B3GALT1: variants seen among roughly 807,000 people sequenced by gnomAD.
B3GALT1 encodes the protein UDP-Gal:betaGlcNAc beta 1,3-galactosyltransferase, polypeptide 1.
Under a neutral mutation model 23.2 loss-of-function variants are expected in B3GALT1, and 10 were observed. The observed-to-expected ratio is 0.43, with a 90% CI of 0.27 to 0.73. The LOEUF is 0.73. Among genes scored for constraint, B3GALT1 ranks in the 30% least tolerant of loss-of-function variants. The pLI is 0.21. For synonymous variants in B3GALT1, 156 were observed against 141.5 expected (o/e 1.10, Z -0.73); for missense variants, 299 against 405.4 (o/e 0.74, Z 2.25).
At chr2:167,849,749 G>A (rs947220116) in intron 4 of B3GALT1, among the ~76,000 whole-genome samples, 1 of 152,056 alleles carries the variant, frequency 6.6e-6, no homozygotes, top group Admixed American at 6.5e-5. Flanking sequence ...AATTAGCCAG[G>A]TGTGGTGGCA....
chr2:167,304,784 G>A (rs1482844518), intron 1 of B3GALT1, among the ~76,000 whole-genome samples: 1 of 152,120 alleles, frequency 6.6e-6, no homozygotes, highest in Non-Finnish European at 1.5e-5. Context: ...CTCATAATCT[G>A]CCATCAACAG....
In B3GALT1 at chr2:167,869,143, C is replaced by T. The variant is rs1445278259; in HGVS notation, c.104C>T (p.Ser35Phe). The change falls in exon 5 of 5, where the codon TCC becomes TTC. Residue 35 changes from serine (S) to phenylalanine (F), a missense_variant. Physicochemically the swap from Ser to Phe is radical, Grantham distance 155. Coordinates refer to ENST00000392690, the MANE Select transcript of B3GALT1 (RefSeq NM_020981.4). This position sits in a 1 kb window ranked among gnomAD's most constrained non-coding sequence, Gnocchi z 6.4. Reference protein sequence around the residue: ...ITRPTSSYTGSKPFSHLTVAR... With the variant: ...ITRPTSSYTGFKPFSHLTVAR... Reference sequence around the variant, plus strand: ...CGCCCTACTTCTTCTTACACTGGCTCCAAACCATTCAGCCACCTAACAGTT... The same window carrying T: ...CGCCCTACTTCTTCTTACACTGGCTTCAAACCATTCAGCCACCTAACAGTT... The T allele has an allele frequency of 4.3e-6, 7 of 1,614,050 alleles. No homozygotes were observed. In the East Asian group the frequency reaches 8.9e-5, roughly 21 times the overall value.
At chr2:167,821,028 T>C (rs2105365333) in intron 4 of B3GALT1, among the ~76,000 whole-genome samples, 1 of 152,354 alleles carries the variant, frequency 6.6e-6, no homozygotes, top group African/African-American at 2.4e-5. Context: ...ATGTGTGCTA[T>C]TGATATGATA....
chr2:167,824,967 A>G (rs1192922658), intron 4 of B3GALT1, among the ~76,000 whole-genome samples: 1 of 152,162 alleles, frequency 6.6e-6, no homozygotes, highest in Non-Finnish European at 1.5e-5. Context: ...ATTCACATGC[A>G]GATGGCAACT....
chr2:167,348,194 C>T (rs1339314736), intron 1 of B3GALT1, among the ~76,000 whole-genome samples: 2 of 152,096 alleles, frequency 1.3e-5, no homozygotes, highest in Non-Finnish European at 2.9e-5. Context: ...ATTATTAAAA[C>T]AGTATATACT....
At chr2:167,492,451 T>C (rs1699723633) in intron 2 of B3GALT1, among the ~76,000 whole-genome samples, 1 of 152,212 alleles carries the variant, frequency 6.6e-6, no homozygotes, top group Admixed American at 6.5e-5. Context: ...TGTTTGCAGA[T>C]TTTTGTGTGG....
intron 2 of B3GALT1, among the ~76,000 whole-genome samples, chr2:167,609,953 A>T (rs1685029960): frequency 6.6e-6 from 1 of 152,152 alleles, no homozygotes; most frequent in African/African-American, 2.4e-5. Context: ...AAAAAATACA[A>T]ACCAAGCAAA....
At chr2:167,707,237 C>T (rs12151803) in intron 3 of B3GALT1, among the ~76,000 whole-genome samples, 17,752 of 152,140 alleles carry the variant, frequency 0.12, 1,303 homozygotes, top group East Asian at 0.35. Context: ...CCTATTGAGC[C>T]CTGCTCAAAT....
intron 3 of B3GALT1, among the ~76,000 whole-genome samples, chr2:167,773,660 T>A (rs1421925348): frequency 2.0e-5 from 3 of 152,218 alleles, no homozygotes; most frequent in African/African-American, 7.2e-5. Context: ...CTGGGCTCCA[T>A]TGACCTGGCA....
intron 3 of B3GALT1, among the ~76,000 whole-genome samples, chr2:167,651,427 C>T (rs1388023156): frequency 1.3e-5 from 2 of 152,134 alleles, no homozygotes; most frequent in South Asian, 4.2e-4. Flanking sequence ...GTTACTTTCC[C>T]TATATATTCA....
chr2:167,724,304 A>G (rs1687275181), intron 3 of B3GALT1, among the ~76,000 whole-genome samples: 1 of 152,212 alleles, frequency 6.6e-6, no homozygotes, highest in African/African-American at 2.4e-5. Context: ...CACATGCCTG[A>G]TGAGCCAGCC....
chr2:167,515,992 G>A (rs1331909532), intron 2 of B3GALT1, among the ~76,000 whole-genome samples: 6 of 152,052 alleles, frequency 3.9e-5, no homozygotes, highest in African/African-American at 1.4e-4. Context: ...CTGAAGCAAG[G>A]ATTAGGCAGA....
chr2:167,482,435 A>G (rs994012250), intron 1 of B3GALT1, among the ~76,000 whole-genome samples: 3 of 152,212 alleles, frequency 2.0e-5, no homozygotes, highest in African/African-American at 7.2e-5. Context: ...CCAGAGTTTT[A>G]TAACTTAGAC....
At chr2:167,512,484 G>C (rs538363835) in intron 2 of B3GALT1, among the ~76,000 whole-genome samples, 1 of 143,788 alleles carries the variant, frequency 7.0e-6, no homozygotes, top group South Asian at 2.2e-4. Context: ...TTATATATTT[G>C]TATTTTGTAT....
intron 3 of B3GALT1, among the ~76,000 whole-genome samples, chr2:167,653,287 T>C (rs1031692681): frequency 6.6e-6 from 1 of 152,146 alleles, no homozygotes; most frequent in Non-Finnish European, 1.5e-5. Flanking sequence ...CCAATTGTGG[T>C]CAATGTGGAC....
At chr2:167,467,414 A>G (rs529073164) in intron 1 of B3GALT1, among the ~76,000 whole-genome samples, 2 of 152,234 alleles carry the variant, frequency 1.3e-5, no homozygotes, top group East Asian at 3.9e-4. Flanking sequence ...AAAAAACAAA[A>G]ATGTCACATC....
At chr2:167,447,790 C>A (rs1033427023) in intron 1 of B3GALT1, among the ~76,000 whole-genome samples, 26 of 152,130 alleles carry the variant, frequency 1.7e-4, no homozygotes, top group African/African-American at 6.0e-4. Context: ...AAATGGAATT[C>A]CCTGACCCCT....
At chr2:167,437,043 TG>T (rs1452084797) in intron 1 of B3GALT1, among the ~76,000 whole-genome samples, 1 of 152,134 alleles carries the variant, frequency 6.6e-6, no homozygotes, top group Non-Finnish European at 1.5e-5. Context: ...CTGGGGGAAG[TG>T]TATCCCCAAG....
chr2:167,552,069 T>G (rs936278823), intron 2 of B3GALT1, among the ~76,000 whole-genome samples: 1 of 152,214 alleles, frequency 6.6e-6, no homozygotes, highest in Non-Finnish European at 1.5e-5. Context: ...TAGTTGCTGC[T>G]AAGAGCTTGC....
Sources: gnomAD v4.1 joint callset for allele counts (sites outside exome capture counted in the v4.1 genomes callset) on GRCh38, gnomAD v4.1.1 for gene constraint, Gnocchi (gnomAD v3.1) non-coding constraint, MANE v1.5 for transcripts, NCBI Gene and HGNC (gene_info 2026-07-23, HGNC 2026-07-21) for gene names.